Variants in KSR2 observed in about 807,000 individuals in gnomAD.
The protein encoded by KSR2 is kinase suppressor of ras 2.
KSR2 carries 25 observed loss-of-function variants against 107.8 expected under a neutral mutation model. The ratio of observed to expected loss-of-function variants is 0.23; its 90% CI spans 0.17 to 0.32. KSR2 has a LOEUF of 0.32. Among genes scored for constraint, KSR2 ranks in the 10% least tolerant of loss-of-function variants. The probability of loss-of-function intolerance (pLI) is 1.00; values close to 1 mark genes in which losing one functional copy is unlikely to be tolerated. For missense variants in KSR2, 887 were observed against 1,268.9 expected, an observed-to-expected ratio of 0.70 and a Z score of 4.57; for synonymous variants, 480 against 507.0, an observed-to-expected ratio of 0.95 and a Z score of 0.71.
intron 3 of KSR2, among the ~76,000 whole-genome samples, chr12:117,814,949 AC>A (rs1266755364): frequency 6.6e-6 from 1 of 152,234 alleles, no homozygotes; most frequent in Non-Finnish European, 1.5e-5. Flanking sequence ...CAATAAAAAA[AC>A]AAACAATCCA....
chr12:117,901,920 T>C (rs1894695388), intron 1 of KSR2, among the ~76,000 whole-genome samples: 1 of 152,188 alleles, frequency 6.6e-6, no homozygotes, highest in Non-Finnish European at 1.5e-5. Flanking sequence ...TGGGAGGATA[T>C]TTTAATAGGT....
At chr12:117,609,873 A>T (rs1157306314) in intron 5 of KSR2, among the ~76,000 whole-genome samples, 1 of 152,170 alleles carries the variant, frequency 6.6e-6, no homozygotes, top group Non-Finnish European at 1.5e-5. Context: ...AGACACTAGG[A>T]GTGGAAAATC....
chr12:117,558,941 G>A (rs996173683), intron 7 of KSR2, among the ~76,000 whole-genome samples: 3 of 152,008 alleles, frequency 2.0e-5, no homozygotes, highest in African/African-American at 7.2e-5. Flanking sequence ...CAGATGACTA[G>A]ATGAATGGAT....
At chr12:117,771,452 C>T (rs768396651) in intron 3 of KSR2, among the ~76,000 whole-genome samples, 37 of 152,164 alleles carry the variant, frequency 2.4e-4, no homozygotes, top group Non-Finnish European at 4.7e-4. Context: ...CCACCTTGGA[C>T]ACATGTCATC....
At chr12:117,861,477 C>T (rs1437761219) in intron 1 of KSR2, among the ~76,000 whole-genome samples, 4 of 150,072 alleles carry the variant, frequency 2.7e-5, no homozygotes, top group African/African-American at 5.0e-5. Context: ...CAAGCTCCGC[C>T]TCCCGGGTTC....
intron 1 of KSR2, among the ~76,000 whole-genome samples, chr12:117,904,239 T>A (rs114339778): frequency 9.0e-4 from 137 of 152,320 alleles, no homozygotes; most frequent in African/African-American, 3.3e-3. Context: ...CAGGGGTTCA[T>A]ATCCGGGACA....
chr12:117,644,956 T>G (rs1883549355), intron 5 of KSR2, among the ~76,000 whole-genome samples: 1 of 152,176 alleles, frequency 6.6e-6, no homozygotes, highest in Non-Finnish European at 1.5e-5. Context: ...TCCGCTTGAT[T>G]GCAACCCAGT....
chr12:117,886,055 C>T (rs1430704013), intron 1 of KSR2, among the ~76,000 whole-genome samples: 1 of 150,530 alleles, frequency 6.6e-6, no homozygotes, highest in Non-Finnish European at 1.5e-5. Context: ...GAGATTGTGC[C>T]ACTGCACTCC....
chr12:117,616,329 C>G (rs1311869423), intron 5 of KSR2, among the ~76,000 whole-genome samples: 1 of 152,110 alleles, frequency 6.6e-6, no homozygotes, highest in Non-Finnish European at 1.5e-5. Flanking sequence ...CCCACAAGGC[C>G]TATGAGGAAT....
At chr12:117,748,915 C>T (rs1167946101) in intron 4 of KSR2, among the ~76,000 whole-genome samples, 2 of 151,714 alleles carry the variant, frequency 1.3e-5, no homozygotes, top group African/African-American at 2.4e-5. Context: ...AAGGGTGTTA[C>T]GGGGAATGCC....
Position 117,760,964 on chromosome 12 carries a change from G to A in KSR2, c.986+47C>T, listed in dbSNP as rs1009744529. The A allele has an allele frequency of 6.8e-6, 11 of 1,608,386 alleles. No homozygotes were observed. The Admixed American group carries it at 1.0e-4, about 15-fold the overall frequency. ...TCCTGGGACCAAGGGGCAGCCCCTC[G>A]CAGGCCGGGTTTCGACCGCCCCAGG... On this transcript the variant is annotated intron_variant, in intron 4 of 19. Transcript: ENST00000339824.
chr12:117,539,491 T>C (rs1876306352), intron 10 of KSR2: 1 of 474,730 alleles, frequency 2.1e-6, no homozygotes. Flanking sequence ...AATGAGCTGA[T>C]AATGCTTACC....
chr12:117,923,276 G>T (rs982108166), intron 1 of KSR2, among the ~76,000 whole-genome samples: 1 of 152,102 alleles, frequency 6.6e-6, no homozygotes, highest in South Asian at 2.1e-4. Context: ...ACAGAAACAC[G>T]TATAAAATGA....
chr12:117,495,975 A>G (rs1873000598), intron 14 of KSR2, among the ~76,000 whole-genome samples: 2 of 151,218 alleles, frequency 1.3e-5, no homozygotes, highest in Non-Finnish European at 2.9e-5. Context: ...AATTGCCTGA[A>G]CCTGGAAGGC....
At chr12:117,861,378 C>CTTTTTTTTT (rs5801257) in intron 1 of KSR2, among the ~76,000 whole-genome samples, 3 of 81,672 alleles carry the variant, frequency 3.7e-5, no homozygotes, top group Non-Finnish European at 4.4e-5. Context: ...TCCCAATTCG[C>CTTTTTTTTT]TTTTTTTTTT....
chr12:117,939,897 C>T lies in KSR2; in HGVS notation c.180+28179G>A, dbSNP rs1298047705. On this transcript the variant is annotated intron_variant, in intron 1 of 19. Coordinates refer to ENST00000339824, the MANE Select transcript of KSR2 (RefSeq NM_173598.6). ...TGGAGGTTGCAGTGAGCCAAGATCG[C>T]GCCACTGCACTCCAGCCTGGGCGAC... Among the ~76,000 whole-genome samples, 6 of 147,534 alleles carry T rather than the reference C, an allele frequency of 4.1e-5. No homozygotes were observed. The East Asian group carries it at 1.0e-3, about 25-fold the overall frequency.
chr12:117,671,298 C>T (rs912558041), intron 4 of KSR2, among the ~76,000 whole-genome samples: 1 of 152,168 alleles, frequency 6.6e-6, no homozygotes, highest in African/African-American at 2.4e-5. Flanking sequence ...TTGGGTGTTC[C>T]TTCTCAGTTC....
intron 7 of KSR2, among the ~76,000 whole-genome samples, chr12:117,562,235 GAAC>G (rs1157014259): frequency 8.1e-6 from 1 of 124,022 alleles, no homozygotes; most frequent in Non-Finnish European, 1.6e-5. Context: ...AAAGTGAAGA[GAAC>G]AACACGAATG....
intron 7 of KSR2, among the ~76,000 whole-genome samples, chr12:117,561,522 T>C (rs2137361871): frequency 6.6e-6 from 1 of 152,346 alleles, no homozygotes; most frequent in Non-Finnish European, 1.5e-5. Flanking sequence ...AAATGGCCTA[T>C]AAGAGACAGA....
Sources: gnomAD v4.1 joint callset for allele counts (sites outside exome capture counted in the v4.1 genomes callset) on GRCh38, gnomAD v4.1.1 for gene constraint, MANE v1.5 for transcripts, NCBI Gene and HGNC (gene_info 2026-07-23, HGNC 2026-07-21) for gene names.